ITGB2: variants seen among roughly 807,000 people sequenced by gnomAD.
ITGB2 encodes integrin beta-2.
Under a neutral mutation model 86.8 loss-of-function variants are expected in ITGB2, and 56 were observed. That is an observed-to-expected ratio of 0.65 (90% confidence interval 0.52 to 0.81). The LOEUF (loss-of-function observed/expected upper bound fraction) is 0.81. Ranked by LOEUF, ITGB2 falls within the 30% of genes least tolerant of loss-of-function variation. The pLI is 0.00. For synonymous variants in ITGB2, 457 were observed against 450.4 expected (o/e 1.01, Z -0.19); for missense variants, 948 against 1,061.2 (o/e 0.89, Z 1.48).
At position 44,894,690 on chromosome 21, in the gene ITGB2, T is replaced by C. The variant is rs577033320; in HGVS notation, c.1083+281A>G. 1,065 of 472,614 alleles carry C rather than the reference T, an allele frequency of 2.3e-3. 3 individuals carry two copies. Among genetic ancestry groups the C allele is most frequent in the Admixed American group, 3.3e-3 (99 of 29,952 alleles). 29.3% of individuals were successfully genotyped at this position (472,614 alleles called of 1,614,324 possible). On this transcript the variant is annotated intron_variant, in intron 9 of 15. Coordinates refer to ENST00000652462, the MANE Select transcript of ITGB2 (RefSeq NM_000211.5). ...CAGAGCTGTCCACCTCCCTTCTCCA[T>C]AGAGACCCGCAGAGAAGAGTCTGGA...
chr21:44,892,410 A>G (rs2083799443), intron 10 of ITGB2, among the ~76,000 whole-genome samples: 2 of 152,194 alleles, frequency 1.3e-5, no homozygotes, highest in Admixed American at 1.3e-4. Context: ...ATCTGAGGGC[A>G]AGAGTTTGAG....
intron 1 of ITGB2, among the ~76,000 whole-genome samples, chr21:44,915,659 T>C (rs1415547016): frequency 3.9e-5 from 6 of 152,148 alleles, no homozygotes; most frequent in East Asian, 1.9e-4. Context: ...TTCTGCTTTG[T>C]AGGAATGTGA....
At chr21:44,906,331 G>A (rs866353179) in intron 4 of ITGB2, among the ~76,000 whole-genome samples, 34 of 152,106 alleles carry the variant, frequency 2.2e-4, no homozygotes, top group Admixed American at 1.3e-4. Context: ...ATGTTGGCCA[G>A]GCTGGTCTCG....
intron 3 of ITGB2, 67 bp downstream of exon 3, chr21:44,910,217 T>G: frequency 1.3e-6 from 2 of 1,577,500 alleles, no homozygotes; most frequent in Non-Finnish European, 1.7e-6. Flanking sequence ...TGCCACTGGC[T>G]TCAGGGGCAG....
At chr21:44,908,766 G>A (rs1259464248) in intron 3 of ITGB2, among the ~76,000 whole-genome samples, 6 of 152,198 alleles carry the variant, frequency 3.9e-5, no homozygotes, top group South Asian at 4.1e-4. Context: ...AAAGGAACCC[G>A]AGCCGTCAGA....
chr21:44,902,034 G>T (rs988674313), intron 5 of ITGB2, among the ~76,000 whole-genome samples: 5 of 152,254 alleles, frequency 3.3e-5, no homozygotes, highest in African/African-American at 1.2e-4. Context: ...GTGAACAGGT[G>T]CGTATGTGTA....
At chr21:44,926,554 C>T (rs1461042100) in intron 1 of ITGB2, among the ~76,000 whole-genome samples, 2 of 152,154 alleles carry the variant, frequency 1.3e-5, no homozygotes, top group East Asian at 3.9e-4. Context: ...GCCAAGCAGC[C>T]ACAGGAAAGA....
rs1217833646 is a variant in ITGB2 at position 44,910,332 on chromosome 21, G to A, written c.99C>T (p.Cys33=). ...CGGGCCCCGACTCGATGCATTCCCG[G>A]CAGCTGCTGACCTTGAACTTCGTGC... ...QECTKFKVSS[C]RECIESGPGC... is the part of the protein sequence containing the mutation. The change falls in exon 3 of 16, where the codon TGC becomes TGT. Residue 33 remains cysteine (C), a synonymous_variant. Coordinates refer to ENST00000652462, the MANE Select transcript of ITGB2 (RefSeq NM_000211.5). 1.2e-6 allele frequency: 2 copies of A among 1,614,024 alleles called. No individual in the cohort carries two copies. The highest frequency in any genetic ancestry group is 2.7e-5 in the African/African-American group (2 of 74,920).
At position 44,906,930 on chromosome 21, in the gene ITGB2, G is replaced by A. The variant is rs745510799; in HGVS notation, c.313C>T (p.Leu105Phe). The change falls in exon 4 of 16, where the codon CTT (leucine) becomes TTT (phenylalanine). Residue 105 changes from leucine (L) to phenylalanine (F), a missense_variant. Physicochemically the swap from Leu to Phe is conservative, Grantham distance 22 (BLOSUM62 0). Transcript: ENST00000652462. ...CCAAGCCTACCTGGTCGCAGGTAAA[G>A]CGTCACTTTTTGTGGGGACAGCTGC... The part of the protein sequence containing the change: ...QKQLSPQKVT[L>F]YLRPGQAAAF... The A allele has an allele frequency of 6.2e-7, 1 of 1,614,110 alleles. No individual in the cohort carries two copies. The highest frequency in any genetic ancestry group is 1.1e-5 in the South Asian group (1 of 91,088).
chr21:44,910,499 G>C (rs1455166140), intron 2 of ITGB2, 127 bp from the exon 3 acceptor site: 11 of 1,546,738 alleles, frequency 7.1e-6, no homozygotes, highest in East Asian at 2.4e-5. Flanking sequence ...AGGAGACCCC[G>C]CATTCGCCAC....
chr21:44,894,057 T>G, intron 9 of ITGB2: 1 of 248,198 alleles, frequency 4.0e-6, no homozygotes. Flanking sequence ...AGACGGAAAT[T>G]GAGAGGAGGC....
intron 11 of ITGB2, 76 bp from the exon 12 acceptor site, chr21:44,890,298 G>T: frequency 6.3e-7 from 1 of 1,585,184 alleles, no homozygotes; most frequent in South Asian, 1.1e-5. Flanking sequence ...TGTCCTCCAG[G>T]CCCCTTGCCC....
chr21:44,894,751 G>A (rs1180186819), intron 9 of ITGB2: 3 of 601,916 alleles, frequency 5.0e-6, no homozygotes, highest in African/African-American at 1.8e-5. Context: ...AGGGAGCATC[G>A]CCCACAACAT....
chr21:44,913,971 G>A (rs552876630), intron 1 of ITGB2, among the ~76,000 whole-genome samples: 2 of 152,262 alleles, frequency 1.3e-5, no homozygotes, highest in East Asian at 3.9e-4. Context: ...CAGGGCAGGA[G>A]GGGAGGAAGA....
At chr21:44,919,946 C>T (rs1156733065) in intron 1 of ITGB2, among the ~76,000 whole-genome samples, 1 of 152,154 alleles carries the variant, frequency 6.6e-6, no homozygotes, top group Non-Finnish European at 1.5e-5. Context: ...GACCCAGGGG[C>T]GTGGCTTCAA....
intron 1 of ITGB2, chr21:44,914,404 G>C (rs79250555): frequency 0.027 from 4,135 of 152,360 alleles, 80 homozygotes; most frequent in Middle Eastern, 0.1. Context: ...AGGACCAGGG[G>C]GACGAGGTCA....
At chr21:44,895,992 C>T (rs2838727) in intron 8 of ITGB2, among the ~76,000 whole-genome samples, 36,925 of 151,898 alleles carry the variant, frequency 0.24, 4,703 homozygotes, top group Middle Eastern at 0.36. Flanking sequence ...CAGGCCTGCC[C>T]GTGTGAGTCC....
chr21:44,894,852 A>G (rs1391104042), intron 9 of ITGB2, 119 bp downstream of exon 9: 1 of 777,154 alleles, frequency 1.3e-6, no homozygotes. Flanking sequence ...CAGCTGGCCC[A>G]CGGGGCAGGG....
intron 1 of ITGB2, among the ~76,000 whole-genome samples, chr21:44,916,646 T>C (rs1032672164): frequency 6.6e-6 from 1 of 152,048 alleles, no homozygotes; most frequent in African/African-American, 2.4e-5. Context: ...GGCAGGCGGA[T>C]CACCTGAGGT....
Sources: gnomAD v4.1 joint callset for allele counts (sites outside exome capture counted in the v4.1 genomes callset) on GRCh38, gnomAD v4.1.1 for gene constraint, MANE v1.5 for transcripts, NCBI Gene and HGNC (gene_info 2026-07-23, HGNC 2026-07-21) for gene names.